TBCEL: variants seen among roughly 807,000 people sequenced by gnomAD.
TBCEL encodes tubulin folding cofactor E like, also known as tubulin-specific chaperone cofactor E-like protein.
A neutral mutation model predicts 44.2 loss-of-function variants in TBCEL; 15 were observed. That is an observed-to-expected ratio of 0.34 (90% confidence interval 0.23 to 0.52). The LOEUF is 0.52. Ranked by LOEUF, TBCEL falls within the 20% of genes least tolerant of loss-of-function variation. The pLI, the probability that TBCEL is intolerant of heterozygous loss-of-function variation, is 0.95. For synonymous variants in TBCEL, 171 were observed against 185.4 expected, an observed-to-expected ratio of 0.92 and a Z score of 0.63; for missense variants, 319 against 506.3, an observed-to-expected ratio of 0.63 and a Z score of 3.55.
Position 121,086,027 on chromosome 11 carries a change from A to G in TBCEL, c.957-751A>G, listed in dbSNP as rs986585186. Among the ~76,000 whole-genome samples, 4 of 152,288 alleles carry G rather than the reference A, an allele frequency of 2.6e-5. No individual in the cohort carries two copies. In the South Asian group the frequency reaches 6.2e-4, roughly 24 times the overall value. On this transcript the variant is annotated intron_variant, in intron 8 of 8. Coordinates refer to ENST00000683345, the MANE Select transcript of TBCEL (RefSeq NM_001363644.2). ...CCTTTCTGGTACGTAGGAAACTTGT[A>G]AGTGTCCTTGATAAAATCAGATCTA...
At chr11:121,057,828 GA>G (rs142141538) in intron 6 of TBCEL, among the ~76,000 whole-genome samples, 33,418 of 151,670 alleles carry the variant, frequency 0.22, 4,037 homozygotes, top group East Asian at 0.33. Context: ...GGAGGTCCTG[GA>G]AACCAGTCCC....
At chr11:121,041,892 C>T (rs1489334065) in intron 2 of TBCEL, among the ~76,000 whole-genome samples, 1 of 143,652 alleles carries the variant, frequency 7.0e-6, no homozygotes, top group Non-Finnish European at 1.5e-5. Context: ...AATGAAGGTA[C>T]TTGGTGTTGC....
At chr11:121,052,913 C>T (rs1197052874) in intron 4 of TBCEL, among the ~76,000 whole-genome samples, 1 of 151,706 alleles carries the variant, frequency 6.6e-6, no homozygotes, top group Non-Finnish European at 1.5e-5. Context: ...TGCTCATTTT[C>T]TTTTTTTCCT....
chr11:121,089,896 C>T lies in TBCEL; in HGVS notation c.*2800C>T, dbSNP rs2135034166. ...AAAGGAAAAGAGTAATAAAGAAAAC[C>T]AAATCAAAACCAAGGGATCCTTTCT... On this transcript the variant is annotated 3_prime_UTR_variant, in exon 9 of 9. Coordinates refer to ENST00000683345, the MANE Select transcript of TBCEL (RefSeq NM_001363644.2). 1 of 152,070 alleles carries T rather than the reference C, an allele frequency of 6.6e-6. No homozygotes were observed. The highest frequency in any genetic ancestry group is 1.5e-5 in the Non-Finnish European group (1 of 67,966). 9.4% of individuals were successfully genotyped at this position (152,070 alleles called of 1,614,324 possible). A position where few individuals can be genotyped will look rare whatever the true frequency, so the allele number is the denominator to read the frequency against.
At chr11:121,079,347 G>C (rs1313949812) in intron 8 of TBCEL, among the ~76,000 whole-genome samples, 3 of 152,186 alleles carry the variant, frequency 2.0e-5, no homozygotes, top group Non-Finnish European at 4.4e-5. Flanking sequence ...AAGAGAGATT[G>C]AATGGGGACA....
intron 8 of TBCEL, among the ~76,000 whole-genome samples, chr11:121,063,064 A>G (rs914414643): frequency 2.0e-5 from 3 of 152,140 alleles, no homozygotes; most frequent in Non-Finnish European, 2.9e-5. Context: ...TGGAGCTCAT[A>G]TTCTAATGGG....
chr11:121,059,899 A>T, intron 7 of TBCEL, 70 bp from the exon 8 acceptor site: 1 of 1,092,444 alleles, frequency 9.2e-7, no homozygotes, highest in Non-Finnish European at 1.3e-6. Context: ...CCACAAGCCA[A>T]TTAGTTTCTT....
rs188182608 is a variant in TBCEL, at chr11:121,065,149, T to C, written c.956+5064T>C. Among the ~76,000 whole-genome samples the C allele has an allele frequency of 1.4e-4, 22 of 152,288 alleles. 1 individual carries two copies. Among genetic ancestry groups the C allele is most frequent in the Admixed American group, 3.3e-4 (5 of 15,288 alleles). ...CCCATACTTATTTTCTGTACGTTTTTCCATATAAATAACTAAAGCCTTGCA... is the reference window on the plus strand; with the variant it reads ...CCCATACTTATTTTCTGTACGTTTTCCCATATAAATAACTAAAGCCTTGCA... On this transcript the variant is annotated intron_variant, in intron 8 of 8. Coordinates refer to ENST00000683345, the MANE Select transcript of TBCEL (RefSeq NM_001363644.2).
chr11:121,054,266 G>A lies in TBCEL; in HGVS notation c.455+534G>A, dbSNP rs187037151. 1.2e-3 allele frequency among the ~76,000 whole-genome samples: 177 copies of A among 151,990 alleles called. 1 individual carries two copies. Among genetic ancestry groups the A allele is most frequent in the Middle Eastern group, 3.4e-3 (1 of 294 alleles). On this transcript the variant is annotated intron_variant, in intron 5 of 8. Coordinates refer to ENST00000683345, the MANE Select transcript of TBCEL (RefSeq NM_001363644.2). Reference sequence around the variant, plus strand: ...TGTAAGTGTGCAAAGGAAATTTAAAGAGGCTGTAGTTTCTTTGACTGTCTA... The same window carrying A: ...TGTAAGTGTGCAAAGGAAATTTAAAAAGGCTGTAGTTTCTTTGACTGTCTA...
At chr11:121,082,894 T>C (rs1946151448) in intron 8 of TBCEL, among the ~76,000 whole-genome samples, 1 of 152,180 alleles carries the variant, frequency 6.6e-6, no homozygotes, top group Non-Finnish European at 1.5e-5. Flanking sequence ...AGCTGTGATC[T>C]GGAGATCAGC....
At chr11:121,045,638 A>G in intron 2 of TBCEL, 36 bp from the exon 3 acceptor site, 1 of 1,501,550 alleles carries the variant, frequency 6.7e-7, no homozygotes, top group South Asian at 1.3e-5. Flanking sequence ...GTAAATACAT[A>G]ATTACATAAT....
At chr11:121,086,104 CT>C (rs1457684418) in intron 8 of TBCEL, among the ~76,000 whole-genome samples, 1 of 152,092 alleles carries the variant, frequency 6.6e-6, no homozygotes, top group Admixed American at 6.5e-5. Context: ...GGAAACATGA[CT>C]TTGTGGGCCC....
At chr11:121,047,886 A>T (rs1163606486) in intron 4 of TBCEL, 2 of 404,688 alleles carry the variant, frequency 4.9e-6, no homozygotes, top group Non-Finnish European at 4.3e-6. Context: ...ACTTGAGCCC[A>T]GGAATTCAAG....
At chr11:121,039,315 A>G (rs1945290165) in intron 2 of TBCEL, among the ~76,000 whole-genome samples, 1 of 152,204 alleles carries the variant, frequency 6.6e-6, no homozygotes, top group Non-Finnish European at 1.5e-5. Context: ...GGATTCACCT[A>G]CTTCCTTGAT....
chr11:121,035,122 GGTA>G (rs1407296884), intron 1 of TBCEL: 2 of 152,198 alleles, frequency 1.3e-5, no homozygotes, highest in Non-Finnish European at 2.9e-5. Flanking sequence ...AAGTGATGAT[GGTA>G]GTAGTAATAG....
chr11:121,035,807 G>A (rs533023121), intron 1 of TBCEL: 1 of 152,192 alleles, frequency 6.6e-6, no homozygotes, highest in African/African-American at 2.4e-5. Context: ...CTTGCTTTTT[G>A]GAAGGATGGA....
intron 8 of TBCEL, among the ~76,000 whole-genome samples, chr11:121,085,018 T>C (rs1946190110): frequency 6.7e-6 from 1 of 149,868 alleles, no homozygotes. Flanking sequence ...TAAATATGCA[T>C]ATATATATAA....
At chr11:121,077,109 T>G (rs1946047184) in intron 8 of TBCEL, among the ~76,000 whole-genome samples, 2 of 152,038 alleles carry the variant, frequency 1.3e-5, no homozygotes, top group African/African-American at 4.8e-5. Context: ...GTCTGTAATT[T>G]TCTTATAATG....
In TBCEL at chr11:121,060,093, A is replaced by G; in HGVS notation, c.956+8A>G. ...GGAAGAAGTGCCATTCAGGTAAAAA[A>G]TTCCCCATTGGCCAAACACTTTAGA... On this transcript the variant is annotated splice_region_variant and intron_variant, in intron 8 of 8. Coordinates refer to ENST00000683345, the MANE Select transcript of TBCEL (RefSeq NM_001363644.2). The G allele has an allele frequency of 6.2e-7, 1 of 1,600,478 alleles. No homozygotes were observed. Among genetic ancestry groups the G allele is most frequent in the Non-Finnish European group, 8.6e-7 (1 of 1,168,774 alleles).
Sources: gnomAD v4.1 joint callset for allele counts (sites outside exome capture counted in the v4.1 genomes callset) on GRCh38, gnomAD v4.1.1 for gene constraint, MANE v1.5 for transcripts, NCBI Gene and HGNC (gene_info 2026-07-23, HGNC 2026-07-21) for gene names.